KANK3: variants seen among roughly 807,000 people sequenced by gnomAD.
The protein encoded by KANK3 is KN motif and ankyrin repeat domain-containing protein 3.
Under a neutral mutation model 65.4 loss-of-function variants are expected in KANK3, and 61 were observed. The observed-to-expected ratio is 0.93, with a 90% confidence interval of 0.76 to 1.15. KANK3 has a LOEUF of 1.15. KANK3 is among the 50% of genes most tolerant of loss of function. The pLI is 0.00. For synonymous variants in KANK3, 586 were observed against 543.3 expected, an observed-to-expected ratio of 1.08 and a Z score of -1.09; for missense variants, 1,187 against 1,178.8, an observed-to-expected ratio of 1.01 and a Z score of -0.10.
At position 8,324,455 on chromosome 19, in the gene KANK3, G is replaced by A. The variant is rs1273101097; in HGVS notation, c.2376C>T (p.Asp792=). Residue 792 remains aspartate, a synonymous_variant, in exon 10 of 11, where the codon GAC becomes GAT. Transcript: ENST00000330915. The part of the protein sequence containing the change: ...LHAHLSSGQP[D]TQSESPPGSQ... ...CTTCCAGAGCTGTGCTCACCTGGGT[G>A]TCGGGCTGGCCCGAGCTCAGGTGGG... is the stretch of plus-strand genomic sequence containing the variant. The A allele has an allele frequency of 1.9e-6, 3 of 1,600,946 alleles. No homozygotes were observed. In the Admixed American group the frequency reaches 5.2e-5, roughly 28 times the overall value.
Position 8,334,717 on chromosome 19 carries a change from C to G in KANK3, c.1110G>C (p.Glu370Asp), listed in dbSNP as rs1457774342. Residue 370 changes from glutamate to aspartate, a missense_variant, in exon 3 of 11, where the codon GAG (glutamate) becomes GAC (aspartate). Physicochemically the swap from Glu to Asp is conservative, Grantham distance 45. Coordinates refer to ENST00000330915, the MANE Select transcript of KANK3 (RefSeq NM_198471.3). ...ASLEHQRGVS[E>D]LLRGRLRELE... is the part of the protein sequence containing the mutation. Reference sequence around the variant, plus strand: ...GCTCCCGCAACCGGCCCCGCAGAAGCTCACTCACCCCGCGCTGGTGCTCCA... The same window carrying G: ...GCTCCCGCAACCGGCCCCGCAGAAGGTCACTCACCCCGCGCTGGTGCTCCA... 1 of 1,531,298 alleles carries G rather than the reference C, an allele frequency of 6.5e-7. No homozygotes were observed. Among genetic ancestry groups the G allele is most frequent in the Non-Finnish European group, 8.7e-7 (1 of 1,145,632 alleles). The allele number at this position is 1,531,298 out of a possible 1,614,324, so 94.9% of individuals were successfully genotyped here. A position where few individuals can be genotyped will look rare whatever the true frequency, so the allele number is the denominator to read the frequency against.
intron 7 of KANK3, among the ~76,000 whole-genome samples, chr19:8,330,693 A>T (rs1328031208): frequency 6.6e-6 from 1 of 150,842 alleles, no homozygotes; most frequent in East Asian, 2.0e-4. Context: ...GTGCCATTGC[A>T]CTGTAGCCTG....
rs780508762 is a variant in KANK3, at chr19:8,333,045, G to T, written c.1905C>A (p.Asn635Lys). Residue 635 changes from asparagine (N) to lysine (K), a missense_variant, in exon 7 of 11, where the codon AAC (asparagine) becomes AAA (lysine). Physicochemically the swap from Asn to Lys is moderately conservative, Grantham distance 94 (BLOSUM62 0). Around this residue, in one of 3 missense-constraint regions of KANK3, gnomAD observed 1,078 missense variants for 1,038.2 expected, o/e 1.04. Coordinates refer to ENST00000330915, the MANE Select transcript of KANK3 (RefSeq NM_198471.3). The surrounding 1 kb of genome is among the most constrained non-coding windows in gnomAD (Gnocchi z 5.0). ...CCAGGAGCAGGCTTGCGATGGCCAGGTTCCCGTGGGACACACTGTAGTGCA... is the reference window on the plus strand; with the variant it reads ...CCAGGAGCAGGCTTGCGATGGCCAGTTTCCCGTGGGACACACTGTAGTGCA... The part of the protein sequence containing the change: ...TALHYSVSHG[N>K]LAIASLLLDT... 26 of 1,512,698 alleles carry T rather than the reference G, an allele frequency of 1.7e-5. No homozygotes were observed. The highest frequency in any genetic ancestry group is 2.3e-5 in the Non-Finnish European group (26 of 1,115,740). The allele number at this position is 1,512,698 out of a possible 1,614,324, so 93.7% of individuals were successfully genotyped here. A position where few individuals can be genotyped will look rare whatever the true frequency, so the allele number is the denominator to read the frequency against.
In KANK3 at chr19:8,333,793, C is replaced by A. The variant is rs1458262144; in HGVS notation, c.1650G>T (p.Pro550=). The A allele has an allele frequency of 2.0e-6, 3 of 1,527,738 alleles. No individual in the cohort carries two copies. Among genetic ancestry groups the A allele is most frequent in the Non-Finnish European group, 2.6e-6 (3 of 1,134,320 alleles). 94.6% of individuals were successfully genotyped at this position (1,527,738 alleles called of 1,614,324 possible). ...QVAQGRCELS[P]RLREACVALQ... is the part of the protein sequence containing the mutation. Reference sequence around the variant, plus strand: ...GCGCTACGCACGCCTCCCTCAGACGCGGGCTCAGCTCGCACCTGCAGAGGA... The same window carrying A: ...GCGCTACGCACGCCTCCCTCAGACGAGGGCTCAGCTCGCACCTGCAGAGGA... The change falls in exon 6 of 11, where the codon CCG becomes CCT. Residue 550 remains proline (P), a synonymous_variant. Coordinates refer to ENST00000330915, the MANE Select transcript of KANK3 (RefSeq NM_198471.3). This position sits in a 1 kb window ranked among gnomAD's most constrained non-coding sequence, Gnocchi z 5.0.
At chr19:8,337,012 TA>T (rs1384221104) in intron 2 of KANK3, among the ~76,000 whole-genome samples, 3 of 148,686 alleles carry the variant, frequency 2.0e-5, no homozygotes, top group Non-Finnish European at 4.4e-5. Context: ...ATTAGTGCCA[TA>T]GGTGGGGTGT....
Position 8,324,627 on chromosome 19 carries a change from T to G in KANK3, c.2283+3A>C. 6.2e-7 allele frequency: 1 copy of G among 1,613,948 alleles called. No individual in the cohort carries two copies. Among genetic ancestry groups the G allele is most frequent in the Non-Finnish European group, 8.5e-7 (1 of 1,179,936 alleles). On this transcript the variant is annotated splice_donor_region_variant and intron_variant, in intron 9 of 10. Transcript: ENST00000330915. ...AGATGCCAGCCCCATTGTGGGGTCTTACATTGTCCAGGATGGCAGGGTCAC... is the reference window on the plus strand; with the variant it reads ...AGATGCCAGCCCCATTGTGGGGTCTGACATTGTCCAGGATGGCAGGGTCAC...
At chr19:8,328,396 C>CACAA (rs1277502201) in intron 7 of KANK3, among the ~76,000 whole-genome samples, 1 of 20,052 alleles carries the variant, frequency 5.0e-5, no homozygotes, top group Admixed American at 4.0e-4. Flanking sequence ...ACCACACACA[C>CACAA]ACACACACAC....
chr19:8,327,328 C>A (rs751090226), intron 7 of KANK3, among the ~76,000 whole-genome samples: 5 of 152,008 alleles, frequency 3.3e-5, no homozygotes, highest in Non-Finnish European at 7.4e-5. Context: ...ATAGGAAGAC[C>A]CCCCCATCTC....
intron 7 of KANK3, among the ~76,000 whole-genome samples, chr19:8,328,205 G>A (rs1229355887): frequency 3.3e-5 from 5 of 152,094 alleles, no homozygotes; most frequent in African/African-American, 1.2e-4. Context: ...TTAGGCCCAG[G>A]AGTTGGAGAT....
Position 8,334,063 on chromosome 19 carries a change from T to C in KANK3, c.1481A>G (p.Asn494Ser). 1 of 1,514,884 alleles carries C rather than the reference T, an allele frequency of 6.6e-7. No individual in the cohort carries two copies. The highest frequency in any genetic ancestry group is 1.5e-5 in the African/African-American group (1 of 65,780). The allele number at this position is 1,514,884 out of a possible 1,614,324, so 93.8% of individuals were successfully genotyped here. A position where few individuals can be genotyped will look rare whatever the true frequency, so the allele number is the denominator to read the frequency against. The part of the protein sequence containing the change: ...DASDSDGDSE[N>S]GGAEPPGSSS... ...GCTACCCGGGGGCTCGGCGCCACCG[T>C]TCTCGCTGTCGCCATCGCTGTCGCT... Residue 494 changes from asparagine (N) to serine (S), a missense_variant, in exon 5 of 11, where the codon AAC becomes AGC. Around this residue, in one of 3 missense-constraint regions of KANK3, gnomAD observed 1,078 missense variants for 1,038.2 expected, o/e 1.04. Transcript: ENST00000330915.
intron 7 of KANK3, 33 bp downstream of exon 7, chr19:8,332,981 C>CTGG: frequency 1.6e-6 from 1 of 616,746 alleles, no homozygotes; most frequent in Admixed American, 2.2e-5. Flanking sequence ...CACCCATTTC[C>CTGG]TGGTGTCCCA....
intron 1 of KANK3, among the ~76,000 whole-genome samples, chr19:8,338,242 G>A (rs567859516): frequency 1.8e-4 from 28 of 151,562 alleles, no homozygotes; most frequent in South Asian, 1.7e-3. Flanking sequence ...GGCTGGTCTC[G>A]AACTCCTGAC....
rs142767345 is a variant in KANK3 at position 8,328,458 on chromosome 19, T to C, written c.1937-3362A>G. On this transcript the variant is annotated intron_variant, in intron 7 of 10. Transcript: ENST00000330915. ...ACTCAAAACTACACATTCCTGAAAGTTCTGTGGGAGCAGGCATTTATTCAA... is the reference window on the plus strand; with the variant it reads ...ACTCAAAACTACACATTCCTGAAAGCTCTGTGGGAGCAGGCATTTATTCAA... Among the ~76,000 whole-genome samples, 85 of 148,988 alleles carry C rather than the reference T, an allele frequency of 5.7e-4. 1 individual carries two copies. Among genetic ancestry groups the C allele is most frequent in the African/African-American group, 2.1e-3 (84 of 40,280 alleles).
At chr19:8,325,185 A>G in intron 7 of KANK3, 89 bp from the exon 8 acceptor site, 1 of 1,409,440 alleles carries the variant, frequency 7.1e-7, no homozygotes, top group African/African-American at 1.4e-5. Flanking sequence ...CGGGCACAGC[A>G]CCTGCATATG....
chr19:8,340,122 C>CA (rs1220236728), intron 1 of KANK3, among the ~76,000 whole-genome samples: 1 of 150,522 alleles, frequency 6.6e-6, no homozygotes, highest in African/African-American at 2.5e-5. Context: ...CATAGCTGGA[C>CA]ACAATGGTGC....
rs184370688 is a variant in KANK3 at position 8,331,738 on chromosome 19, C to T, written c.1936+1276G>A. On this transcript the variant is annotated intron_variant, in intron 7 of 10. Transcript: ENST00000330915. Reference sequence around the variant, plus strand: ...GGCTGGACACTGGGGCTCAGGAACTCGGTGAGTGCTCCAGCTGGAGATTCA... The same window carrying T: ...GGCTGGACACTGGGGCTCAGGAACTTGGTGAGTGCTCCAGCTGGAGATTCA... 3.9e-5 allele frequency among the ~76,000 whole-genome samples: 6 copies of T among 152,188 alleles called. No individual in the cohort carries two copies. The East Asian group carries it at 5.8e-4, about 15-fold the overall frequency.
At chr19:8,340,291 TACACAC>T (rs147457593) in intron 1 of KANK3, among the ~76,000 whole-genome samples, 208 of 92,404 alleles carry the variant, frequency 2.3e-3, no homozygotes, top group Admixed American at 3.6e-3. Flanking sequence ...TATATATATA[TACACAC>T]ACACACACAC....
rs1472181365 is a variant in KANK3 at position 8,340,291 on chromosome 19, T to TATATATATATATATAC, written c.-28-2436_-28-2435insGTATATATATATATAT. ...AAAAAAAACCATATATATATATATA[T>TATATATATATATATAC]ACACACACACACACACACACACACA... On this transcript the variant is annotated intron_variant, in intron 1 of 10. Coordinates refer to ENST00000330915, the MANE Select transcript of KANK3 (RefSeq NM_198471.3). 4.8e-3 allele frequency among the ~76,000 whole-genome samples: 444 copies of TATATATATATATATAC among 92,770 alleles called. 5 individuals are homozygous for TATATATATATATATAC. The highest frequency in any genetic ancestry group is 0.012 in the Middle Eastern group (2 of 170). The allele number at this position is 92,770 out of a possible 152,430, so 60.9% of individuals were successfully genotyped here.
Position 8,333,204 on chromosome 19 carries a change from CT to C in KANK3, c.1745del (p.Glu582GlyfsTer23). On this transcript the variant is annotated frameshift_variant, in exon 7 of 11. Transcript: ENST00000330915. LOFTEE classifies it high-confidence loss of function. The surrounding 1 kb of genome is among the most constrained non-coding windows in gnomAD (Gnocchi z 5.0). ...GCCGCTGGCTGGACACTCGAAACCA[CT>C]CCTGGGCCACGAGGCGCACTGCGCC... ...DGGAVRLVAQ[E>X]WFRVSSQRRS... 6.2e-6 allele frequency: 10 copies of C among 1,612,090 alleles called. No homozygotes were observed. Among genetic ancestry groups the C allele is most frequent in the Non-Finnish European group, 8.5e-6 (10 of 1,179,706 alleles).
Sources: allele counts gnomAD v4.1 joint callset (sites outside exome capture counted in the v4.1 genomes callset), GRCh38; gene constraint gnomAD v4.1.1; regional missense constraint gnomAD v4.1.1; non-coding constraint Gnocchi (gnomAD v3.1); transcripts MANE v1.5; gene names NCBI Gene and HGNC (gene_info 2026-07-23, HGNC 2026-07-21).